Variants in NRXN3 observed in about 807,000 individuals in gnomAD.
The protein encoded by NRXN3 is neurexin 3, also known as neurexin III.
In NRXN3, 32 loss-of-function variants were observed where a neutral mutation model predicts 137.6. The observed-to-expected ratio is 0.23, with a 90% CI of 0.18 to 0.31. The LOEUF (loss-of-function observed/expected upper bound fraction) is 0.31, where lower values mean the gene tolerates loss of function less well. Among genes scored for constraint, NRXN3 ranks in the 10% least tolerant of loss-of-function variants. NRXN3 has a pLI of 1.00. For synonymous variants in NRXN3, 798 were observed against 784.5 expected, an observed-to-expected ratio of 1.02 and a Z score of -0.29; for missense variants, 1,574 against 2,062.5, an observed-to-expected ratio of 0.76 and a Z score of 4.59.
At chr14:78,878,406 G>A (rs2099118969) in intron 10 of NRXN3, among the ~76,000 whole-genome samples, 1 of 152,076 alleles carries the variant, frequency 6.6e-6, no homozygotes, top group African/African-American at 2.4e-5. Context: ...AAAGTCATAA[G>A]CAATTCTACA....
intron 4 of NRXN3, among the ~76,000 whole-genome samples, chr14:78,323,009 A>G (rs61976036): frequency 0.21 from 31,373 of 151,642 alleles, 3,619 homozygotes; most frequent in East Asian, 0.29. Context: ...CTTACTCCTT[A>G]TGGCCACCAT....
intron 2 of NRXN3, among the ~76,000 whole-genome samples, chr14:78,275,663 G>A (rs1192309827): frequency 2.0e-5 from 3 of 152,224 alleles, no homozygotes; most frequent in South Asian, 4.1e-4. Context: ...TGGGTCATAG[G>A]TCTGTTCCTG....
At chr14:78,778,781 TTTC>T (rs2098756705) in intron 8 of NRXN3, among the ~76,000 whole-genome samples, 3 of 129,234 alleles carry the variant, frequency 2.3e-5, no homozygotes. Context: ...TCTTTCTTTC[TTTC>T]TTTCTTTCTT....
intron 15 of NRXN3, among the ~76,000 whole-genome samples, chr14:79,313,883 G>T (rs1404420204): frequency 2.3e-5 from 3 of 129,134 alleles, no homozygotes; most frequent in African/African-American, 9.0e-5. Flanking sequence ...TGGTTTGAAT[G>T]TCCTCCCGTA....
At chr14:78,873,402 A>G (rs1006027279) in intron 10 of NRXN3, among the ~76,000 whole-genome samples, 1 of 152,224 alleles carries the variant, frequency 6.6e-6, no homozygotes, top group Non-Finnish European at 1.5e-5. Flanking sequence ...AGAAGTTGCC[A>G]TAACATTTTT....
At chr14:78,359,102 T>G (rs1453899641) in intron 4 of NRXN3, among the ~76,000 whole-genome samples, 1 of 152,140 alleles carries the variant, frequency 6.6e-6, no homozygotes, top group East Asian at 1.9e-4. Context: ...GCCCATTTAG[T>G]AGGGCCATTA....
intron 16 of NRXN3, among the ~76,000 whole-genome samples, chr14:79,575,537 T>G (rs2097655966): frequency 6.6e-6 from 1 of 152,206 alleles, no homozygotes; most frequent in South Asian, 2.1e-4. Context: ...AGGCTCTATA[T>G]TTTATTTAAC....
intron 4 of NRXN3, among the ~76,000 whole-genome samples, chr14:78,523,643 CAAAAAAAAAA>C (rs3036598): frequency 6.4e-5 from 5 of 77,730 alleles, no homozygotes; most frequent in African/African-American, 2.1e-4. Context: ...ACTACAAATA[CAAAAAAAAAA>C]AAAAAAAAAA....
At chr14:79,159,807 C>T (rs945366565) in intron 15 of NRXN3, among the ~76,000 whole-genome samples, 10 of 151,862 alleles carry the variant, frequency 6.6e-5, no homozygotes, top group Non-Finnish European at 1.5e-4. Flanking sequence ...CTCCCTCAAA[C>T]TAGATCATGT....
At chr14:79,159,433 C>T (rs1376324201) in intron 15 of NRXN3, among the ~76,000 whole-genome samples, 3 of 151,822 alleles carry the variant, frequency 2.0e-5, no homozygotes, top group Non-Finnish European at 4.4e-5. Context: ...TTTAATTTTT[C>T]AGTAAGCATT....
intron 15 of NRXN3, among the ~76,000 whole-genome samples, chr14:79,227,780 TCCTTCCCTCCTC>T (rs1251978509): frequency 2.2e-4 from 10 of 45,770 alleles, no homozygotes; most frequent in African/African-American, 5.0e-4. Context: ...CTTCCTTCCT[TCCTTCCCTCCTC>T]CCTTCCTCCC....
chr14:78,681,090 T>C (rs1404461816), intron 6 of NRXN3, among the ~76,000 whole-genome samples: 1 of 151,916 alleles, frequency 6.6e-6, no homozygotes, highest in African/African-American at 2.4e-5. Context: ...CATTTGGGGG[T>C]TGAGTCCTTC....
chr14:78,511,939 T>C (rs1289273716), intron 4 of NRXN3, among the ~76,000 whole-genome samples: 1 of 152,212 alleles, frequency 6.6e-6, no homozygotes, highest in Non-Finnish European at 1.5e-5. Flanking sequence ...ACTTAAGAGC[T>C]GAACAAGTTA....
At chr14:79,746,319 A>G (rs1205319700) in intron 19 of NRXN3, among the ~76,000 whole-genome samples, 5 of 152,156 alleles carry the variant, frequency 3.3e-5, no homozygotes, top group African/African-American at 9.7e-5. Flanking sequence ...CAATTTTATG[A>G]TGAAGCAAGT....
chr14:78,769,901 G>T (rs985456750), intron 8 of NRXN3, among the ~76,000 whole-genome samples: 1 of 151,892 alleles, frequency 6.6e-6, no homozygotes, highest in Non-Finnish European at 1.5e-5. Flanking sequence ...AGTTTGGAGG[G>T]ACAGGGATGC....
At chr14:79,553,015 T>G (rs2097391285) in intron 16 of NRXN3, among the ~76,000 whole-genome samples, 1 of 151,830 alleles carries the variant, frequency 6.6e-6, no homozygotes, top group African/African-American at 2.4e-5. Context: ...GTGAGAGAAC[T>G]TCAGAGAGAG....
At chr14:78,489,247 G>C (rs2095620808) in intron 4 of NRXN3, among the ~76,000 whole-genome samples, 1 of 152,180 alleles carries the variant, frequency 6.6e-6, no homozygotes, top group Non-Finnish European at 1.5e-5. Context: ...CGCTCTCTCA[G>C]ACAATCTGGT....
chr14:78,344,773 G>T (rs374438849), intron 4 of NRXN3, among the ~76,000 whole-genome samples: 2 of 152,180 alleles, frequency 1.3e-5, no homozygotes, highest in Non-Finnish European at 2.9e-5. Context: ...GTTCATTGCT[G>T]TATGGTTTTT....
At chr14:78,714,257 A>G (rs1291205013) in intron 7 of NRXN3, among the ~76,000 whole-genome samples, 1 of 152,090 alleles carries the variant, frequency 6.6e-6, no homozygotes, top group African/African-American at 2.4e-5. Context: ...AGGCAAACAT[A>G]TGGAGGCCTC....
Sources: allele counts gnomAD v4.1 joint callset (sites outside exome capture counted in the v4.1 genomes callset), GRCh38; gene constraint gnomAD v4.1.1; transcripts MANE v1.5; gene names NCBI Gene and HGNC (gene_info 2026-07-23, HGNC 2026-07-21).